The following ATP8A2 variants were observed in gnomAD, a reference collection of about 807,000 sequenced individuals.
ATP8A2 encodes the protein phospholipid-transporting ATPase IB.
A neutral mutation model predicts 165.6 loss-of-function variants in ATP8A2; 100 were observed. The observed-to-expected ratio is 0.60, with a 90% CI of 0.51 to 0.71. ATP8A2 has a LOEUF of 0.71. ATP8A2 is among the 30% of genes least tolerant of loss of function. The pLI is 0.00. For missense variants in ATP8A2, 1,227 were observed against 1,479.5 expected (o/e 0.83, Z 2.80); for synonymous variants, 543 against 548.8 (o/e 0.99, Z 0.15).
chr13:25,660,790 A>G (rs2042033706), intron 24 of ATP8A2, among the ~76,000 whole-genome samples: 1 of 152,194 alleles, frequency 6.6e-6, no homozygotes, highest in South Asian at 2.1e-4. Context: ...CACATTTGCT[A>G]AGGTAAATTC....
chr13:25,431,242 C>G (rs1303887658), intron 1 of ATP8A2, among the ~76,000 whole-genome samples: 2 of 152,128 alleles, frequency 1.3e-5, no homozygotes, highest in South Asian at 2.1e-4. Context: ...CTCCGCCTCC[C>G]AGATTCAAGT....
At chr13:26,013,468 G>A (rs191625584) in intron 36 of ATP8A2, among the ~76,000 whole-genome samples, 1 of 152,256 alleles carries the variant, frequency 6.6e-6, no homozygotes, top group African/African-American at 2.4e-5. Context: ...TGAGGTCAGG[G>A]GTTGGAGACC....
At chr13:25,456,940 C>T (rs1017529393) in intron 1 of ATP8A2, among the ~76,000 whole-genome samples, 6 of 152,114 alleles carry the variant, frequency 3.9e-5, no homozygotes, top group Admixed American at 3.9e-4. Flanking sequence ...CTTGGGCTAC[C>T]CATAAAATAC....
intron 2 of ATP8A2, among the ~76,000 whole-genome samples, chr13:25,498,425 A>G (rs56205259): frequency 6.6e-6 from 1 of 152,094 alleles, no homozygotes; most frequent in Non-Finnish European, 1.5e-5. Context: ...GCTTGTTTAC[A>G]TATGCACATC....
Position 25,530,810 on chromosome 13 carries a change from G to A in ATP8A2, c.420+150G>A, listed in dbSNP as rs1373645356. On this transcript the variant is annotated intron_variant, in intron 4 of 36. Transcript: ENST00000381655. ...GATGGTATTTTTAGGGGGAGTTAAT[G>A]TATACTCAGAGTGTCCTAAATACCT... 7 of 607,992 alleles carry A rather than the reference G, an allele frequency of 1.2e-5. No individual in the cohort carries two copies. In the South Asian group the frequency reaches 1.2e-4, roughly 10 times the overall value. The allele number at this position is 607,992 out of a possible 1,614,324, so 37.7% of individuals were successfully genotyped here. A position where few individuals can be genotyped will look rare whatever the true frequency, so the allele number is the denominator to read the frequency against.
intron 2 of ATP8A2, among the ~76,000 whole-genome samples, chr13:25,469,626 A>G (rs1296337025): frequency 2.0e-5 from 3 of 152,214 alleles, no homozygotes; most frequent in Non-Finnish European, 4.4e-5. Flanking sequence ...CAGAGTTAGC[A>G]GAAAGATGGA....
At chr13:25,407,498 C>T (rs925499661) in intron 1 of ATP8A2, among the ~76,000 whole-genome samples, 7 of 152,156 alleles carry the variant, frequency 4.6e-5, no homozygotes, top group African/African-American at 1.7e-4. Context: ...AAACTCATAT[C>T]CCAAATATTC....
At chr13:25,838,018 G>A (rs957957255) in intron 29 of ATP8A2, among the ~76,000 whole-genome samples, 18 of 152,168 alleles carry the variant, frequency 1.2e-4, no homozygotes, top group Middle Eastern at 3.2e-3. Context: ...TGTGTGCCTG[G>A]GCACAGAGGG....
chr13:26,019,428 C>A (rs570524922), intron 36 of ATP8A2, among the ~76,000 whole-genome samples: 1 of 152,208 alleles, frequency 6.6e-6, no homozygotes. Context: ...CCAGGTATCA[C>A]GTGCATTTTG....
intron 33 of ATP8A2, among the ~76,000 whole-genome samples, chr13:25,871,775 G>T (rs1055696637): frequency 6.6e-6 from 1 of 152,120 alleles, no homozygotes; most frequent in Non-Finnish European, 1.5e-5. Flanking sequence ...ATAAGTGTTG[G>T]CATTCCTTTG....
chr13:25,372,437 G>C lies in ATP8A2; in HGVS notation c.76+149G>C, dbSNP rs931378796. ...TCTGGGCTGCAGGATCCGCCGACGC[G>C]GCGCGCTGGCCGCACGGGGGCTGGG... On this transcript the variant is annotated intron_variant, in intron 1 of 36. Coordinates refer to ENST00000381655, the MANE Select transcript of ATP8A2 (RefSeq NM_016529.6). The surrounding 1 kb of genome is among the most constrained non-coding windows in gnomAD (Gnocchi z 4.8). 7 of 528,450 alleles carry C rather than the reference G, an allele frequency of 1.3e-5. No homozygotes were observed. Among genetic ancestry groups the C allele is most frequent in the Non-Finnish European group, 1.4e-5 (5 of 346,666 alleles). The allele number at this position is 528,450 out of a possible 1,614,324, so 32.7% of individuals were successfully genotyped here.
At chr13:25,682,017 A>C (rs149071824) in intron 24 of ATP8A2, among the ~76,000 whole-genome samples, 180 of 152,324 alleles carry the variant, frequency 1.2e-3, no homozygotes, top group African/African-American at 4.1e-3. Context: ...TGGCTGATGC[A>C]CTGAAGAAAA....
intron 18 of ATP8A2, among the ~76,000 whole-genome samples, chr13:25,573,126 A>G (rs1039660090): frequency 6.6e-6 from 1 of 152,284 alleles, no homozygotes; most frequent in South Asian, 2.1e-4. Context: ...CTTTTTTAAA[A>G]ATGAGGTCTT....
intron 25 of ATP8A2, among the ~76,000 whole-genome samples, chr13:25,754,131 A>G (rs2044212011): frequency 6.6e-6 from 1 of 152,198 alleles, no homozygotes; most frequent in South Asian, 2.1e-4. Flanking sequence ...TGCCTGGTGT[A>G]TTTATGTGGG....
At chr13:26,019,670 G>A (rs74039981) in intron 36 of ATP8A2, among the ~76,000 whole-genome samples, 2,933 of 152,232 alleles carry the variant, frequency 0.019, 105 homozygotes, top group African/African-American at 0.064. Flanking sequence ...CCCAGCATCA[G>A]CAGCTAGAAC....
At chr13:25,845,440 G>A (rs1344488836) in intron 30 of ATP8A2, among the ~76,000 whole-genome samples, 3 of 152,170 alleles carry the variant, frequency 2.0e-5, no homozygotes, top group Admixed American at 2.0e-4. Flanking sequence ...CAAAAGAAAA[G>A]AGCTCCTAAA....
Position 25,553,808 on chromosome 13 carries a change from A to G in ATP8A2, c.1073A>G (p.Asn358Ser). Residue 358 changes from asparagine (N) to serine (S), a missense_variant, in exon 12 of 37, where the codon AAT (asparagine) becomes AGT (serine). Around this residue, in one of 5 missense-constraint regions of ATP8A2, gnomAD observed 592 missense variants for 785.6 expected, o/e 0.75. Coordinates refer to ENST00000381655, the MANE Select transcript of ATP8A2 (RefSeq NM_016529.6). ...YIKKMDTTSDNFGYNLLTFII... is the reference protein window; with the variant it reads ...YIKKMDTTSDSFGYNLLTFII... Reference sequence around the variant, plus strand: ...CCTTCCACAGACACCACCTCAGATAATTTTGGATACAACCTACTGACGTTC... The same window carrying G: ...CCTTCCACAGACACCACCTCAGATAGTTTTGGATACAACCTACTGACGTTC... The G allele has an allele frequency of 6.2e-7, 1 of 1,613,338 alleles. No homozygotes were observed. Among genetic ancestry groups the G allele is most frequent in the African/African-American group, 1.3e-5 (1 of 75,010 alleles).
chr13:25,978,934 C>T (rs1380423739), intron 35 of ATP8A2, among the ~76,000 whole-genome samples: 1 of 151,020 alleles, frequency 6.6e-6, no homozygotes, highest in Admixed American at 6.6e-5. Context: ...AGCGAGACTA[C>T]GGCTCAAAAA....
rs529169454 is a variant in ATP8A2 at position 25,941,174 on chromosome 13, G to A, written c.3184-20401G>A. ...GAGTACTGCTCCTGCTTCCCTGGGG[G>A]ACACTTCCCCCTCCCATCTGGCTCT... On this transcript the variant is annotated intron_variant, in intron 33 of 36. Coordinates refer to ENST00000381655, the MANE Select transcript of ATP8A2 (RefSeq NM_016529.6). Among the ~76,000 whole-genome samples, 100 of 152,206 alleles carry A rather than the reference G, an allele frequency of 6.6e-4. 1 individual carries two copies. The highest frequency in any genetic ancestry group is 1.3e-4 in the Non-Finnish European group (9 of 68,016).
Sources: allele counts gnomAD v4.1 joint callset (sites outside exome capture counted in the v4.1 genomes callset), GRCh38; gene constraint gnomAD v4.1.1; regional missense constraint gnomAD v4.1.1; non-coding constraint Gnocchi (gnomAD v3.1); transcripts MANE v1.5; gene names NCBI Gene and HGNC (gene_info 2026-07-23, HGNC 2026-07-21).